ARFGEF3: variants seen among roughly 807,000 people sequenced by gnomAD.
The protein encoded by ARFGEF3 is brefeldin A-inhibited guanine nucleotide-exchange protein 3.
A neutral mutation model predicts 221.7 loss-of-function variants in ARFGEF3; 96 were observed. The ratio of observed to expected loss-of-function variants is 0.43; its 90% CI spans 0.37 to 0.51. The LOEUF is 0.51. Among genes scored for constraint, ARFGEF3 ranks in the 20% least tolerant of loss-of-function variants. The pLI is 0.00. For missense variants in ARFGEF3, 2,410 were observed against 2,789.9 expected (o/e 0.86, Z 3.07); for synonymous variants, 1,145 against 1,126.8 (o/e 1.02, Z -0.32).
chr6:138,299,436 A>G (rs1779588954), intron 22 of ARFGEF3, among the ~76,000 whole-genome samples: 1 of 152,180 alleles, frequency 6.6e-6, no homozygotes, highest in African/African-American at 2.4e-5. Flanking sequence ...CATACTGTCT[A>G]CTGAAGGCAA....
intron 22 of ARFGEF3, among the ~76,000 whole-genome samples, chr6:138,304,787 T>C (rs1028441778): frequency 3.3e-5 from 5 of 152,208 alleles, no homozygotes; most frequent in Admixed American, 2.6e-4. Flanking sequence ...CATACCTTTG[T>C]GTATTGAACT....
Position 138,263,137 on chromosome 6 carries a change from T to C in ARFGEF3, c.1654T>C (p.Leu552=), listed in dbSNP as rs1210881893. The C allele has an allele frequency of 2.5e-6, 4 of 1,613,884 alleles. No individual in the cohort carries two copies. Among genetic ancestry groups the C allele is most frequent in the East Asian group, 2.2e-5 (1 of 44,876 alleles). Residue 552 remains leucine (L), a synonymous_variant, in exon 12 of 34, where the codon TTG becomes CTG. Coordinates refer to ENST00000251691, the MANE Select transcript of ARFGEF3 (RefSeq NM_020340.5). Reference sequence around the variant, plus strand: ...GGGTAAGGAGACGCTGAGCAAAGTATTGGAAACAGAGGCGGTAGACCAGCC... The same window carrying C: ...GGGTAAGGAGACGCTGAGCAAAGTACTGGAAACAGAGGCGGTAGACCAGCC... ...PEGKETLSKV[L]ETEAVDQPDV... is the part of the protein sequence containing the mutation.
intron 8 of ARFGEF3, among the ~76,000 whole-genome samples, chr6:138,248,459 T>C (rs751347452): frequency 2.1e-4 from 32 of 152,310 alleles, no homozygotes; most frequent in Admixed American, 8.5e-4. Flanking sequence ...ATATAAAGAC[T>C]GCATTTGTTA....
At chr6:138,241,592 G>T (rs1451879008) in intron 6 of ARFGEF3, among the ~76,000 whole-genome samples, 1 of 152,194 alleles carries the variant, frequency 6.6e-6, no homozygotes, top group Non-Finnish European at 1.5e-5. Context: ...TCCCGGGCGT[G>T]CCCTAAAGCT....
rs1263224818 is a variant in ARFGEF3, at chr6:138,296,807, TAGG to T, written c.3503_3505del (p.Gly1168del). 2 of 1,613,126 alleles carry T rather than the reference TAGG, an allele frequency of 1.2e-6. No individual in the cohort carries two copies. Among genetic ancestry groups the T allele is most frequent in the Non-Finnish European group, 1.7e-6 (2 of 1,179,506 alleles). On this transcript the variant is annotated splice_acceptor_variant and coding_sequence_variant, in exon 21 of 34. Coordinates refer to ENST00000251691, the MANE Select transcript of ARFGEF3 (RefSeq NM_020340.5). LOFTEE classifies it high-confidence loss of function. ...TGGCATTTATGTTCTTGCCTTCCTG[TAGG>T]AGAAGTTAAATCCACTCAAGACCGA...
intron 12 of ARFGEF3, among the ~76,000 whole-genome samples, chr6:138,278,041 A>G (rs1779128136): frequency 6.6e-6 from 1 of 152,194 alleles, no homozygotes; most frequent in Non-Finnish European, 1.5e-5. Context: ...GCAGGCAGTC[A>G]GGGTGGCTGC....
chr6:138,247,960 G>C (rs1263799509), intron 8 of ARFGEF3, among the ~76,000 whole-genome samples: 2 of 152,208 alleles, frequency 1.3e-5, no homozygotes, highest in African/African-American at 4.8e-5. Flanking sequence ...AAGGGTGTTA[G>C]GAAGGGTTGT....
At chr6:138,282,185 C>T (rs1180857779) in intron 14 of ARFGEF3, among the ~76,000 whole-genome samples, 2 of 152,176 alleles carry the variant, frequency 1.3e-5, no homozygotes, top group African/African-American at 4.8e-5. Flanking sequence ...GAACTCCTGA[C>T]CTCAGGTGAT....
intron 2 of ARFGEF3, among the ~76,000 whole-genome samples, chr6:138,171,636 T>G (rs976168033): frequency 1.3e-5 from 2 of 152,216 alleles, no homozygotes; most frequent in Non-Finnish European, 1.5e-5. Context: ...AAGAAAGTTG[T>G]CCATAACTAC....
intron 4 of ARFGEF3, among the ~76,000 whole-genome samples, chr6:138,210,368 G>T (rs1158971232): frequency 1.3e-5 from 2 of 151,994 alleles, no homozygotes; most frequent in Non-Finnish European, 2.9e-5. Context: ...CTGCCTGCTC[G>T]CATATGTTAA....
In ARFGEF3 at chr6:138,334,613, G is replaced by C. The variant is rs749130942; in HGVS notation, c.5767G>C (p.Glu1923Gln). The change falls in exon 33 of 34, where the codon GAG becomes CAG. Residue 1923 changes from glutamate to glutamine, a missense_variant. This residue lies in a region of ARFGEF3 where 339 missense variants were observed against 334.9 expected (regional missense o/e 1.01). Coordinates refer to ENST00000251691, the MANE Select transcript of ARFGEF3 (RefSeq NM_020340.5). This position sits in a 1 kb window ranked among gnomAD's most constrained non-coding sequence, Gnocchi z 5.1. ...CTACATCCAGATGCACTTGGACCTG[G>C]AGAACTGTATGGAGGAGCCTCCCAT... ...NNYIQMHLDL[E>Q]NCMEEPPIFK... is the part of the protein sequence containing the mutation. The C allele has an allele frequency of 6.2e-7, 1 of 1,613,638 alleles. No homozygotes were observed. Among genetic ancestry groups the C allele is most frequent in the South Asian group, 1.1e-5 (1 of 91,078 alleles).
At chr6:138,319,257 TAACA>T (rs10541342) in intron 27 of ARFGEF3, among the ~76,000 whole-genome samples, 17,942 of 149,928 alleles carry the variant, frequency 0.12, 1,395 homozygotes, top group South Asian at 0.2. Flanking sequence ...TGGCCAGCTC[TAACA>T]AACACTATTG....
At position 138,301,736 on chromosome 6, in the gene ARFGEF3, T is replaced by C. The variant is rs112347024; in HGVS notation, c.3828+2951T>C. Among the ~76,000 whole-genome samples, 83 of 152,262 alleles carry C rather than the reference T, an allele frequency of 5.5e-4. 2 individuals are homozygous for C. The highest frequency in any genetic ancestry group is 1.8e-3 in the African/African-American group (74 of 41,536). On this transcript the variant is annotated intron_variant, in intron 22 of 33. Coordinates refer to ENST00000251691, the MANE Select transcript of ARFGEF3 (RefSeq NM_020340.5). ...AAAGGGAGATAAAAACTGGCTGAAC[T>C]TTGAATATTCTGGCCAACCTTCTCA...
intron 31 of ARFGEF3, 61 bp from the exon 32 acceptor site, chr6:138,327,960 C>T: frequency 7.0e-7 from 1 of 1,431,162 alleles, no homozygotes; most frequent in Non-Finnish European, 9.5e-7. Context: ...TCCAGCTGAT[C>T]CCTGACAGGT....
At chr6:138,255,857 A>G in intron 10 of ARFGEF3, 88 bp downstream of exon 10, 3 of 1,164,886 alleles carry the variant, frequency 2.6e-6, no homozygotes, top group Non-Finnish European at 3.5e-6. Context: ...AAGGCTTGCC[A>G]ATCACTTGCC....
intron 1 of ARFGEF3, among the ~76,000 whole-genome samples, chr6:138,165,624 G>A (rs1248200959): frequency 6.6e-6 from 1 of 151,998 alleles, no homozygotes; most frequent in Non-Finnish European, 1.5e-5. Flanking sequence ...ACCCTCATGG[G>A]AGAGAGGGGT....
At chr6:138,186,528 GT>G (rs904498897) in intron 2 of ARFGEF3, among the ~76,000 whole-genome samples, 1 of 152,206 alleles carries the variant, frequency 6.6e-6, no homozygotes, top group African/African-American at 2.4e-5. Flanking sequence ...TAAAGCAAAA[GT>G]TTTCCAGGGT....
Position 138,262,724 on chromosome 6 carries a change from C to T in ARFGEF3, c.1241C>T (p.Ala414Val). 1.9e-6 allele frequency: 3 copies of T among 1,605,342 alleles called. No homozygotes were observed. The highest frequency in any genetic ancestry group is 2.6e-6 in the Non-Finnish European group (3 of 1,172,832). The change falls in exon 12 of 34, where the codon GCA becomes GTA. Residue 414 changes from alanine (A) to valine (V), a missense_variant. Physicochemically the swap from Ala to Val is moderately conservative, Grantham distance 64 (BLOSUM62 0). Around this residue, in one of 5 missense-constraint regions of ARFGEF3, gnomAD observed 570 missense variants for 586.9 expected, o/e 0.97. Transcript: ENST00000251691. ...LKLIMDGMTE[A>V]CIKGGIEACY... Reference sequence around the variant, plus strand: ...AGCATCATGGATGGCATGACCGAAGCATGCATCAAGGGTGGCATCGAAGCT... The same window carrying T: ...AGCATCATGGATGGCATGACCGAAGTATGCATCAAGGGTGGCATCGAAGCT...
chr6:138,222,480 A>G (rs1431111523), intron 4 of ARFGEF3, among the ~76,000 whole-genome samples: 1 of 152,094 alleles, frequency 6.6e-6, no homozygotes, highest in Non-Finnish European at 1.5e-5. Flanking sequence ...GACGTTTAGC[A>G]ATTCCTGGAG....
Sources: gnomAD v4.1 joint callset for allele counts (sites outside exome capture counted in the v4.1 genomes callset) on GRCh38, gnomAD v4.1.1 for gene constraint, gnomAD v4.1.1 regional missense constraint, Gnocchi (gnomAD v3.1) non-coding constraint, MANE v1.5 for transcripts, NCBI Gene and HGNC (gene_info 2026-07-23, HGNC 2026-07-21) for gene names.